The following KCNJ6 variants were observed in gnomAD, a reference collection of about 807,000 sequenced individuals.
KCNJ6 encodes the protein G protein-activated inward rectifier potassium channel 2.
KCNJ6 carries 9 observed loss-of-function variants against 34.2 expected under a neutral mutation model. The observed-to-expected ratio is 0.26, with a 90% CI of 0.16 to 0.46. The LOEUF (loss-of-function observed/expected upper bound fraction) is 0.46. Among genes scored for constraint, KCNJ6 ranks in the 20% least tolerant of loss-of-function variants. The pLI, the probability that KCNJ6 is intolerant of heterozygous loss-of-function variation, is 1.00. For missense variants in KCNJ6, 236 were observed against 531.3 expected (o/e 0.44, Z 5.46); for synonymous variants, 196 against 207.1 (o/e 0.95, Z 0.46).
chr21:37,835,860 G>C (rs1224408916), intron 2 of KCNJ6, among the ~76,000 whole-genome samples: 1 of 152,182 alleles, frequency 6.6e-6, no homozygotes, highest in Non-Finnish European at 1.5e-5. Flanking sequence ...CTTTCTGGTT[G>C]CCTCATTTGG....
At chr21:37,798,492 C>T (rs918453299) in intron 2 of KCNJ6, among the ~76,000 whole-genome samples, 5 of 136,558 alleles carry the variant, frequency 3.7e-5, no homozygotes, top group Non-Finnish European at 6.6e-5. Flanking sequence ...GGCAGTGTTG[C>T]TCACAATAAC....
rs529157370 is a variant in KCNJ6, at chr21:37,675,521, T to C, written c.946+38690A>G. 5.8e-4 allele frequency among the ~76,000 whole-genome samples: 88 copies of C among 152,316 alleles called. No homozygotes were observed. The highest frequency in any genetic ancestry group is 2.1e-3 in the African/African-American group (86 of 41,582). ...GACCCTCGGGCTGCGCCTCTGCCCC[T>C]CGGTCCCCAGCACCCCTGGGAGGAG... is the stretch of plus-strand genomic sequence containing the variant. On this transcript the variant is annotated intron_variant, in intron 3 of 3. Coordinates refer to ENST00000609713, the MANE Select transcript of KCNJ6 (RefSeq NM_002240.5). The surrounding 1 kb of genome is among the most constrained non-coding windows in gnomAD (Gnocchi z 4.2).
At position 37,810,918 on chromosome 21, in the gene KCNJ6, A is replaced by G. The variant is rs2055319555; in HGVS notation, c.25+29740T>C. Among the ~76,000 whole-genome samples the G allele has an allele frequency of 3.3e-5, 5 of 151,848 alleles. No homozygotes were observed. The South Asian group carries it at 1.1e-3, about 32-fold the overall frequency. ...TGACATAGAGTTCCTAATCCTTGTA[A>G]TTTCCCGTAATTTTATTTTAATGAG... On this transcript the variant is annotated intron_variant, in intron 2 of 3. Coordinates refer to ENST00000609713, the MANE Select transcript of KCNJ6 (RefSeq NM_002240.5).
intron 1 of KCNJ6, among the ~76,000 whole-genome samples, chr21:37,873,249 G>A (rs725573): frequency 0.48 from 72,666 of 151,946 alleles, 17,864 homozygotes; most frequent in East Asian, 0.61. Flanking sequence ...TGAGACTGCC[G>A]ACGATGGCTG....
At chr21:37,818,211 C>CGTGTGTGTGT (rs10539396) in intron 2 of KCNJ6, among the ~76,000 whole-genome samples, 72 of 148,318 alleles carry the variant, frequency 4.9e-4, no homozygotes, top group Non-Finnish European at 6.4e-4. Context: ...TGTGTGCGTG[C>CGTGTGTGTGT]GTGTGTGTGT....
At chr21:37,828,075 C>T (rs1009858807) in intron 2 of KCNJ6, among the ~76,000 whole-genome samples, 3 of 152,170 alleles carry the variant, frequency 2.0e-5, no homozygotes, top group Non-Finnish European at 4.4e-5. Flanking sequence ...CCTCTGTGGA[C>T]GGCAGGGATG....
At chr21:37,846,117 C>G (rs1281204693) in intron 1 of KCNJ6, among the ~76,000 whole-genome samples, 2 of 152,150 alleles carry the variant, frequency 1.3e-5, no homozygotes, top group African/African-American at 2.4e-5. Context: ...AATTTTCTGT[C>G]TGAACTTTAT....
chr21:37,657,415 T>A (rs903769716), intron 3 of KCNJ6, among the ~76,000 whole-genome samples: 2 of 152,022 alleles, frequency 1.3e-5, no homozygotes, highest in South Asian at 2.1e-4. Context: ...GGGTCTGGGG[T>A]GAGGCTCAGC....
intron 2 of KCNJ6, among the ~76,000 whole-genome samples, chr21:37,785,376 G>T (rs2055188164): frequency 6.6e-6 from 1 of 152,192 alleles, no homozygotes; most frequent in Admixed American, 6.5e-5. Flanking sequence ...AAACCACCTT[G>T]TCTGTAAGTA....
chr21:37,696,100 A>G (rs141704901), intron 3 of KCNJ6, among the ~76,000 whole-genome samples: 4 of 152,378 alleles, frequency 2.6e-5, no homozygotes, highest in African/African-American at 4.8e-5. Flanking sequence ...TATAGCTGAA[A>G]GAGAACACAT....
chr21:37,902,100 T>C (rs1177790461), intron 1 of KCNJ6, among the ~76,000 whole-genome samples: 3 of 152,248 alleles, frequency 2.0e-5, no homozygotes, highest in Admixed American at 6.5e-5. Flanking sequence ...AAAGGAAATA[T>C]GATTATGCCC....
At chr21:37,669,645 A>C (rs142688911) in intron 3 of KCNJ6, among the ~76,000 whole-genome samples, 18 of 152,200 alleles carry the variant, frequency 1.2e-4, no homozygotes, top group Non-Finnish European at 2.5e-4. Flanking sequence ...GGATAAAAAC[A>C]ACAATGCTTT....
At chr21:37,660,258 C>T (rs998678356) in intron 3 of KCNJ6, among the ~76,000 whole-genome samples, 3 of 152,208 alleles carry the variant, frequency 2.0e-5, no homozygotes, top group African/African-American at 7.2e-5. Flanking sequence ...CAAGAAAGGC[C>T]ATGTTTTACC....
intron 2 of KCNJ6, among the ~76,000 whole-genome samples, chr21:37,798,900 G>C (rs982222058): frequency 6.6e-6 from 1 of 152,130 alleles, no homozygotes; most frequent in East Asian, 1.9e-4. Context: ...GAATCGTACG[G>C]CATGTGAATT....
At chr21:37,763,039 G>A (rs922817272) in intron 2 of KCNJ6, among the ~76,000 whole-genome samples, 2 of 152,216 alleles carry the variant, frequency 1.3e-5, no homozygotes, top group Non-Finnish European at 2.9e-5. Flanking sequence ...GCAGCCACCA[G>A]TGACTGCCCG....
rs745488193 is a variant in KCNJ6 at position 37,625,490 on chromosome 21, G to A, written c.947-6C>T. On this transcript the variant is annotated splice_polypyrimidine_tract_variant and splice_region_variant and intron_variant, in intron 3 of 3. Transcript: ENST00000609713. The stretch of plus-strand genomic sequence containing the variant: ...TCGAGCTTGGCATGTCATCCCTGCA[G>A]AGAGAAGAATGGAGGCTTTAGCATA... 1.2e-6 allele frequency: 2 copies of A among 1,607,576 alleles called. No individual in the cohort carries two copies. Among genetic ancestry groups the A allele is most frequent in the East Asian group, 4.5e-5 (2 of 44,808 alleles).
intron 2 of KCNJ6, among the ~76,000 whole-genome samples, chr21:37,826,676 A>T (rs1448076501): frequency 1.3e-5 from 2 of 152,168 alleles, no homozygotes. Flanking sequence ...ATTCTGATGA[A>T]TGCAACTCTC....
At chr21:37,773,841 C>A (rs2055129217) in intron 2 of KCNJ6, among the ~76,000 whole-genome samples, 1 of 152,100 alleles carries the variant, frequency 6.6e-6, no homozygotes, top group African/African-American at 2.4e-5. Flanking sequence ...TTTTCTAGCT[C>A]CAGTTTGAAG....
At chr21:37,779,038 G>T (rs112194656) in intron 2 of KCNJ6, among the ~76,000 whole-genome samples, 77 of 152,228 alleles carry the variant, frequency 5.1e-4, no homozygotes, top group African/African-American at 1.7e-3. Context: ...CCATGCAAGA[G>T]CTGGATGAGA....
Sources: allele counts gnomAD v4.1 joint callset (sites outside exome capture counted in the v4.1 genomes callset), GRCh38; gene constraint gnomAD v4.1.1; non-coding constraint Gnocchi (gnomAD v3.1); transcripts MANE v1.5; gene names NCBI Gene and HGNC (gene_info 2026-07-23, HGNC 2026-07-21).